CACNA1A: variants seen among roughly 807,000 people sequenced by gnomAD.
The protein encoded by CACNA1A is calcium voltage-gated channel subunit alpha1 A.
CACNA1A carries 57 observed loss-of-function variants against 262.4 expected under a neutral mutation model. The observed-to-expected ratio is 0.22, with a 90% CI of 0.18 to 0.27. The LOEUF (loss-of-function observed/expected upper bound fraction) is 0.27. Ranked by LOEUF, CACNA1A falls within the 10% of genes least tolerant of loss-of-function variation. CACNA1A has a pLI of 1.00. For synonymous variants in CACNA1A, 1,431 were observed against 1,419.3 expected (o/e 1.01, Z -0.18); for missense variants, 2,526 against 3,562.8 (o/e 0.71, Z 7.41).
intron 3 of CACNA1A, among the ~76,000 whole-genome samples, chr19:13,444,291 C>G (rs551640826): frequency 2.6e-4 from 40 of 152,234 alleles, no homozygotes; most frequent in African/African-American, 9.2e-4. Flanking sequence ...TAAAATGCTG[C>G]TGGTATTTAT....
chr19:13,354,013 T>A (rs1156915037), intron 6 of CACNA1A, among the ~76,000 whole-genome samples: 4 of 152,222 alleles, frequency 2.6e-5, no homozygotes, highest in African/African-American at 7.2e-5. Flanking sequence ...TGCATCTGTC[T>A]CTCCTACCAG....
chr19:13,356,244 T>C (rs750397375), intron 6 of CACNA1A, among the ~76,000 whole-genome samples: 11 of 152,042 alleles, frequency 7.2e-5, no homozygotes, highest in African/African-American at 9.7e-5. Flanking sequence ...TACACGGAGG[T>C]CACCCCGGGC....
chr19:13,418,269 T>G (rs2060258856), intron 3 of CACNA1A, among the ~76,000 whole-genome samples: 1 of 152,068 alleles, frequency 6.6e-6, no homozygotes, highest in Non-Finnish European at 1.5e-5. Context: ...ACAGCAAATA[T>G]TTGGGGGAGT....
At chr19:13,245,464 T>G (rs1312015543) in intron 30 of CACNA1A, 199 bp from the exon 31 acceptor site, 2 of 577,962 alleles carry the variant, frequency 3.5e-6, no homozygotes, top group African/African-American at 3.7e-5. Flanking sequence ...CCTGGGGGCC[T>G]TCCCATGATT....
At chr19:13,501,678 T>C (rs984643203) in intron 1 of CACNA1A, among the ~76,000 whole-genome samples, 2 of 152,158 alleles carry the variant, frequency 1.3e-5, no homozygotes, top group African/African-American at 4.8e-5. Flanking sequence ...ACCTGAAAGT[T>C]TGACAGGACT....
intron 38 of CACNA1A, among the ~76,000 whole-genome samples, chr19:13,220,636 C>T (rs1468979228): frequency 6.6e-6 from 1 of 152,154 alleles, no homozygotes; most frequent in African/African-American, 2.4e-5. Context: ...TTCTGACCTA[C>T]AGGACTGTGA....
chr19:13,270,548 C>A (rs1046211552), intron 24 of CACNA1A, among the ~76,000 whole-genome samples: 3 of 152,170 alleles, frequency 2.0e-5, no homozygotes, highest in African/African-American at 7.2e-5. Flanking sequence ...CCTTCTCAGG[C>A]AAAAGAGGCC....
intron 3 of CACNA1A, among the ~76,000 whole-genome samples, chr19:13,436,942 G>C (rs2060622542): frequency 1.3e-5 from 2 of 152,270 alleles, no homozygotes; most frequent in African/African-American, 4.8e-5. Flanking sequence ...AGCAAACAAT[G>C]AGTACACATG....
In CACNA1A at chr19:13,254,825, TG is replaced by T. The variant is rs2056500568; in HGVS notation, c.4755+269del. Among the ~76,000 whole-genome samples the T allele has an allele frequency of 2.0e-5, 3 of 152,172 alleles. No homozygotes were observed. In the South Asian group the frequency reaches 6.2e-4, roughly 32 times the overall value. On this transcript the variant is annotated intron_variant, in intron 29 of 46. Coordinates refer to ENST00000360228, the MANE Select transcript of CACNA1A (RefSeq NM_001127222.2). ...TGTGGCAGGCGACATAAAGATAGGATGCCTGCTAAGATGGGCACCTCAAGCA... is the reference window on the plus strand; with the variant it reads ...TGTGGCAGGCGACATAAAGATAGGATCCTGCTAAGATGGGCACCTCAAGCA...
intron 38 of CACNA1A, among the ~76,000 whole-genome samples, chr19:13,217,033 T>C (rs904415988): frequency 2.0e-5 from 3 of 152,186 alleles, no homozygotes; most frequent in African/African-American, 7.2e-5. Flanking sequence ...CTCGGGAGGC[T>C]GAGGCATGAG....
rs572645334 is a variant in CACNA1A at position 13,455,093 on chromosome 19, A to G, written c.399+14T>C. 6.5e-7 allele frequency: 1 copy of G among 1,530,758 alleles called. No homozygotes were observed. Among genetic ancestry groups the G allele is most frequent in the African/African-American group, 1.4e-5 (1 of 73,400 alleles). 94.8% of individuals were successfully genotyped at this position (1,530,758 alleles called of 1,614,324 possible). On this transcript the variant is annotated intron_variant, in intron 2 of 46. Coordinates refer to ENST00000360228, the MANE Select transcript of CACNA1A (RefSeq NM_001127222.2). ...AAAGCCAAGGAGAAGACCCTGAGAA[A>G]AGACATCACTCACCAGCCGTTCAGA...
intron 3 of CACNA1A, among the ~76,000 whole-genome samples, chr19:13,404,205 CAG>C (rs1568612441): frequency 6.6e-6 from 1 of 151,774 alleles, no homozygotes; most frequent in Non-Finnish European, 1.5e-5. Context: ...CACACACACA[CAG>C]TAATAAGGTT....
intron 38 of CACNA1A, among the ~76,000 whole-genome samples, chr19:13,217,025 C>T (rs574684271): frequency 3.9e-5 from 6 of 152,162 alleles, no homozygotes; most frequent in East Asian, 1.9e-4. Flanking sequence ...CCCAACTACT[C>T]GGGAGGCTGA....
At chr19:13,431,983 T>C (rs1478677925) in intron 3 of CACNA1A, among the ~76,000 whole-genome samples, 4 of 151,200 alleles carry the variant, frequency 2.6e-5, no homozygotes, top group South Asian at 2.1e-4. Flanking sequence ...TGCACACCTC[T>C]AGTCCCAGCT....
intron 1 of CACNA1A, among the ~76,000 whole-genome samples, chr19:13,490,908 G>A (rs910324835): frequency 6.8e-5 from 9 of 131,798 alleles, no homozygotes; most frequent in African/African-American, 2.5e-4. Context: ...AAGGAAGGAA[G>A]AAGGAAGGGA....
chr19:13,209,222 C>T (rs1333578343), intron 45 of CACNA1A, 90 bp downstream of exon 45: 9 of 1,400,186 alleles, frequency 6.4e-6, no homozygotes, highest in Non-Finnish European at 8.5e-6. Context: ...CTCTCCCTTT[C>T]TTCTTCCTTA....
At chr19:13,323,722 C>T (rs963036234) in intron 10 of CACNA1A, among the ~76,000 whole-genome samples, 5 of 152,182 alleles carry the variant, frequency 3.3e-5, no homozygotes, top group South Asian at 2.1e-4. Context: ...CTTAGGTTGT[C>T]TCTTTCCTCT....
intron 3 of CACNA1A, among the ~76,000 whole-genome samples, chr19:13,400,633 C>T (rs1349843254): frequency 6.6e-6 from 1 of 152,146 alleles, no homozygotes; most frequent in African/African-American, 2.4e-5. Context: ...GACTCTCAAC[C>T]AGGGGTGATT....
intron 38 of CACNA1A, among the ~76,000 whole-genome samples, chr19:13,220,746 C>T (rs551385427): frequency 6.6e-5 from 10 of 152,274 alleles, no homozygotes; most frequent in African/African-American, 2.4e-4. Flanking sequence ...CCACTCCAGC[C>T]TCCCAAGTAG....
Sources: allele counts gnomAD v4.1 joint callset (sites outside exome capture counted in the v4.1 genomes callset), GRCh38; gene constraint gnomAD v4.1.1; transcripts MANE v1.5; gene names NCBI Gene and HGNC (gene_info 2026-07-23, HGNC 2026-07-21).